USP34: variants seen among roughly 807,000 people sequenced by gnomAD.
USP34 encodes ubiquitin specific peptidase 34.
USP34 carries 70 observed loss-of-function variants against 460.3 expected under a neutral mutation model. The ratio of observed to expected loss-of-function variants is 0.15; its 90% CI spans 0.13 to 0.19. The LOEUF is 0.19. Ranked by LOEUF, USP34 falls within the 10% of genes least tolerant of loss-of-function variation. The pLI is 1.00. For missense variants in USP34, 3,985 were observed against 4,236.2 expected, an observed-to-expected ratio of 0.94 and a Z score of 1.65; for synonymous variants, 1,647 against 1,405.3, an observed-to-expected ratio of 1.17 and a Z score of -3.85.
intron 1 of USP34, among the ~76,000 whole-genome samples, chr2:61,449,370 T>C (rs537056105): frequency 5.5e-4 from 84 of 152,216 alleles, no homozygotes; most frequent in Middle Eastern, 6.8e-3. Flanking sequence ...ATTGTTAAGA[T>C]AGTAATAATC....
chr2:61,244,619 CAAAA>C (rs61343219), intron 51 of USP34, among the ~76,000 whole-genome samples: 54 of 122,702 alleles, frequency 4.4e-4, no homozygotes, highest in Admixed American at 7.0e-4. Flanking sequence ...GACTTGGGGG[CAAAA>C]AAAAAAAAAA....
chr2:61,404,767 A>T (rs2103931753), intron 3 of USP34, among the ~76,000 whole-genome samples: 1 of 152,280 alleles, frequency 6.6e-6, no homozygotes, highest in Admixed American at 6.5e-5. Context: ...AGGAATAATA[A>T]ACCACTGTTA....
chr2:61,433,871 A>C (rs937785979), intron 1 of USP34, among the ~76,000 whole-genome samples: 37 of 152,136 alleles, frequency 2.4e-4, no homozygotes, highest in African/African-American at 4.8e-5. Context: ...GCACCTCTGC[A>C]GCACTTCAGC....
intron 22 of USP34, among the ~76,000 whole-genome samples, chr2:61,318,908 G>T (rs893412727): frequency 3.3e-5 from 5 of 152,132 alleles, no homozygotes; most frequent in African/African-American, 1.2e-4. Flanking sequence ...AATTAGTGCT[G>T]CCTTCAAAAG....
chr2:61,436,379 A>G (rs955715804), intron 1 of USP34, among the ~76,000 whole-genome samples: 1 of 152,212 alleles, frequency 6.6e-6, no homozygotes, highest in Non-Finnish European at 1.5e-5. Flanking sequence ...ATTCCATGTA[A>G]ACAGAAACCA....
intron 48 of USP34, 78 bp from the exon 49 acceptor site, chr2:61,248,761 C>A (rs1688490452): frequency 1.5e-6 from 2 of 1,336,248 alleles, no homozygotes; most frequent in Non-Finnish European, 2.0e-6. Flanking sequence ...TATGCTATAT[C>A]CATTTCAATT....
At chr2:61,303,148 C>A (rs1333874869) in intron 27 of USP34, among the ~76,000 whole-genome samples, 2 of 151,464 alleles carry the variant, frequency 1.3e-5, no homozygotes, top group African/African-American at 4.9e-5. Flanking sequence ...CTCACTGCAA[C>A]CTCCGCCTCC....
intron 37 of USP34, among the ~76,000 whole-genome samples, chr2:61,281,606 C>T (rs1276162714): frequency 6.6e-6 from 1 of 152,010 alleles, no homozygotes; most frequent in African/African-American, 2.4e-5. Flanking sequence ...GATTATGCCT[C>T]ATAAAAATAA....
chr2:61,449,477 C>T (rs1695208412), intron 1 of USP34, among the ~76,000 whole-genome samples: 1 of 149,534 alleles, frequency 6.7e-6, no homozygotes, highest in Non-Finnish European at 1.5e-5. Flanking sequence ...CAGAAGGAAA[C>T]TCAAGGGACC....
chr2:61,248,499 T>TGAAAA lies in USP34; in HGVS notation c.6394+7_6394+11dup. On this transcript the variant is annotated intron_variant, in intron 49 of 79. Transcript: ENST00000398571. Reference sequence around the variant, plus strand: ...AATAATCACAGACAAGAGAAAGAAATGAAAAAATCACCTTCTTTCCTCTCA... The same window carrying TGAAAA: ...AATAATCACAGACAAGAGAAAGAAATGAAAAGAAAAAATCACCTTCTTTCCTCTCA... 6.5e-7 allele frequency: 1 copy of TGAAAA among 1,542,968 alleles called. No individual in the cohort carries two copies. The highest frequency in any genetic ancestry group is 8.8e-7 in the Non-Finnish European group (1 of 1,139,682).
intron 5 of USP34, among the ~76,000 whole-genome samples, chr2:61,385,273 T>C (rs1412938485): frequency 1.3e-5 from 2 of 152,170 alleles, no homozygotes; most frequent in East Asian, 1.9e-4. Context: ...GTGAAGATAA[T>C]AGTTCTCCCG....
At chr2:61,297,007 G>T (rs1264710393) in intron 29 of USP34, 82 bp from the exon 30 acceptor site, 1 of 1,457,016 alleles carries the variant, frequency 6.9e-7, no homozygotes, top group Non-Finnish European at 9.1e-7. Context: ...ATAAAGTAAT[G>T]ATCAAATTTG....
chr2:61,442,898 T>TACACAC (rs58151221), intron 1 of USP34, among the ~76,000 whole-genome samples: 14,096 of 147,166 alleles, frequency 0.096, 718 homozygotes, highest in Middle Eastern at 0.14. Flanking sequence ...GTGATGTGTG[T>TACACAC]ACACACACAC....
At chr2:61,228,115 C>A (rs1469109576) in intron 61 of USP34, among the ~76,000 whole-genome samples, 1 of 152,170 alleles carries the variant, frequency 6.6e-6, no homozygotes, top group Non-Finnish European at 1.5e-5. Flanking sequence ...AAATTAACTT[C>A]TCTAAGTTTC....
intron 1 of USP34, among the ~76,000 whole-genome samples, chr2:61,430,280 C>T (rs1474829476): frequency 6.6e-6 from 1 of 151,194 alleles, no homozygotes; most frequent in Non-Finnish European, 1.5e-5. Context: ...GGCACATGCC[C>T]ATAATCCCAG....
At chr2:61,360,925 A>C (rs1692257630) in intron 10 of USP34, among the ~76,000 whole-genome samples, 1 of 152,196 alleles carries the variant, frequency 6.6e-6, no homozygotes, top group South Asian at 2.1e-4. Context: ...GCCTCCCCAA[A>C]GTGCTGGGAT....
At chr2:61,403,983 ACT>A in intron 3 of USP34, among the ~76,000 whole-genome samples, 1 of 119,698 alleles carries the variant, frequency 8.4e-6, no homozygotes, top group Non-Finnish European at 1.7e-5. Context: ...ACAGATCAAG[ACT>A]CTATCTCAAA....
At chr2:61,392,126 A>G (rs913864522) in intron 5 of USP34, among the ~76,000 whole-genome samples, 2 of 152,156 alleles carry the variant, frequency 1.3e-5, no homozygotes, top group Non-Finnish European at 2.9e-5. Flanking sequence ...TTAGTAAAGG[A>G]TAACTTCACA....
chr2:61,422,474 G>T (rs1052985637), intron 1 of USP34, among the ~76,000 whole-genome samples: 8 of 152,170 alleles, frequency 5.3e-5, no homozygotes, highest in Admixed American at 2.6e-4. Context: ...GGCAAGTGAA[G>T]GACATTTCAT....
Sources: allele counts gnomAD v4.1 joint callset (sites outside exome capture counted in the v4.1 genomes callset), GRCh38; gene constraint gnomAD v4.1.1; transcripts MANE v1.5; gene names NCBI Gene and HGNC (gene_info 2026-07-23, HGNC 2026-07-21).